DDX19B: variants seen among roughly 807,000 people sequenced by gnomAD.
DDX19B encodes the protein DEAD-box helicase 19B.
In DDX19B, 27 loss-of-function variants were observed where a neutral mutation model predicts 58.1. That is an observed-to-expected ratio of 0.46 (90% CI 0.34 to 0.64). DDX19B has a LOEUF of 0.64. Ranked by LOEUF, DDX19B falls within the 30% of genes least tolerant of loss-of-function variation. The pLI is 0.01. For missense variants in DDX19B, 399 were observed against 596.5 expected (o/e 0.67, Z 3.45); for synonymous variants, 187 against 214.4 (o/e 0.87, Z 1.12).
At chr16:70,327,660 G>T (rs1222937010) in intron 7 of DDX19B, among the ~76,000 whole-genome samples, 2 of 151,592 alleles carry the variant, frequency 1.3e-5, no homozygotes, top group Non-Finnish European at 2.9e-5. Flanking sequence ...TCCCCTCAAA[G>T]TGATGGGATT....
intron 2 of DDX19B, among the ~76,000 whole-genome samples, chr16:70,313,900 G>C (rs748106550): frequency 6.6e-6 from 1 of 151,802 alleles, no homozygotes; most frequent in Non-Finnish European, 1.5e-5. Flanking sequence ...CCTGAGGTCA[G>C]GAGTTTGAAA....
chr16:70,289,777 C>G (rs1161756128), upstream of DDX19B: 7 of 436,668 alleles, frequency 1.6e-5, no homozygotes, highest in Admixed American at 9.8e-5. Flanking sequence ...GCCCCCGGCT[C>G]CCGGAGGTCG....
At chr16:70,305,509 G>A (rs1961703606) in intron 1 of DDX19B, among the ~76,000 whole-genome samples, 1 of 152,120 alleles carries the variant, frequency 6.6e-6, no homozygotes, top group Admixed American at 6.6e-5. Context: ...TTTAGAAATT[G>A]CATACTTTAC....
At position 70,329,364 on chromosome 16, in the gene DDX19B, A is replaced by G. The variant is rs1198686195; in HGVS notation, c.680A>G (p.Lys227Arg). 6.2e-7 allele frequency: 1 copy of G among 1,614,162 alleles called. No homozygotes were observed. The highest frequency in any genetic ancestry group is 1.1e-5 in the South Asian group (1 of 91,080). Reference sequence around the variant, plus strand: ...GGGACTGTGCTGGACTGGTGCTCCAAGCTCAAGTTCATTGATCCCAAGAAA... The same window carrying G: ...GGGACTGTGCTGGACTGGTGCTCCAGGCTCAAGTTCATTGATCCCAAGAAA... ...TPGTVLDWCSKLKFIDPKKIK... is the reference protein window; with the variant it reads ...TPGTVLDWCSRLKFIDPKKIK... Residue 227 changes from lysine (K) to arginine (R), a missense_variant, in exon 8 of 12, where the codon AAG (lysine) becomes AGG (arginine). Around this residue, in one of 4 missense-constraint regions of DDX19B, gnomAD observed 198 missense variants for 345.9 expected, o/e 0.57. Transcript: ENST00000288071.
Position 70,331,870 on chromosome 16 carries a change from A to C in DDX19B, c.1172A>C (p.Asn391Thr), listed in dbSNP as rs556054909. 6.8e-6 allele frequency: 11 copies of C among 1,613,968 alleles called. No individual in the cohort carries two copies. The highest frequency in any genetic ancestry group is 4.5e-5 in the East Asian group (2 of 44,876). The change falls in exon 10 of 12, where the codon AAC becomes ACC. Residue 391 changes from asparagine to threonine, a missense_variant. Around this residue, in one of 4 missense-constraint regions of DDX19B, gnomAD observed 198 missense variants for 345.9 expected, o/e 0.57. Transcript: ENST00000288071. The stretch of plus-strand genomic sequence containing the variant: ...AAAGAGAAGGTTTTGGTGACCACCA[A>C]CGTGTGTGCCCGCGGTGAGCAGAGG... ...EGKEKVLVTT[N>T]VCARGIDVEQ...
At chr16:70,301,024 A>C (rs1961461428) in intron 1 of DDX19B, among the ~76,000 whole-genome samples, 1 of 152,036 alleles carries the variant, frequency 6.6e-6, no homozygotes, top group African/African-American at 2.4e-5. Flanking sequence ...TTCAAATTGG[A>C]CTAGTTACTC....
At chr16:70,313,916 CT>C (rs1346247072) in intron 2 of DDX19B, among the ~76,000 whole-genome samples, 2 of 151,858 alleles carry the variant, frequency 1.3e-5, no homozygotes, top group African/African-American at 4.8e-5. Flanking sequence ...TGAAACCAGC[CT>C]GACTAACATG....
In DDX19B at chr16:70,317,675, A is replaced by G; in HGVS notation, c.389+87A>G. ...TTTTCACAGGCCAGCAAGGTGGCTTATGCCTATAATCCCAGCAACCTGAGA... is the reference window on the plus strand; with the variant it reads ...TTTTCACAGGCCAGCAAGGTGGCTTGTGCCTATAATCCCAGCAACCTGAGA... On this transcript the variant is annotated intron_variant, in intron 5 of 11. Transcript: ENST00000288071. 7 of 1,219,742 alleles carry G rather than the reference A, an allele frequency of 5.7e-6. No homozygotes were observed. The South Asian group carries it at 8.5e-5, about 15-fold the overall frequency. 75.6% of individuals were successfully genotyped at this position (1,219,742 alleles called of 1,614,324 possible).
chr16:70,298,328 C>T (rs957587133), upstream of DDX19B, among the ~76,000 whole-genome samples: 1 of 151,838 alleles, frequency 6.6e-6, no homozygotes, highest in African/African-American at 2.4e-5. Flanking sequence ...ATTTCTTGAA[C>T]CCAGGAGGTG....
chr16:70,331,597 C>T (rs1963479655), intron 9 of DDX19B, 125 bp from the exon 10 acceptor site: 1 of 1,315,630 alleles, frequency 7.6e-7, no homozygotes, highest in Admixed American at 2.8e-5. Flanking sequence ...AATTTTAAGC[C>T]TAACCTCCTA....
chr16:70,322,174 C>T (rs1285775786), intron 5 of DDX19B, among the ~76,000 whole-genome samples: 1 of 152,116 alleles, frequency 6.6e-6, no homozygotes, highest in African/African-American at 2.4e-5. Context: ...AGTAAGACCT[C>T]ATCTGTATTA....
chr16:70,291,822 A>C (rs982539752), upstream of DDX19B, among the ~76,000 whole-genome samples: 1 of 151,302 alleles, frequency 6.6e-6, no homozygotes, highest in Non-Finnish European at 1.5e-5. Context: ...AAATAAATAA[A>C]TAAATAAATA....
At chr16:70,299,145 G>T, upstream of DDX19B, 1 of 1,371,432 alleles carries the variant, frequency 7.3e-7, no homozygotes, top group South Asian at 1.7e-5. Flanking sequence ...GGCCAAACAG[G>T]AGTGGCCTCC....
upstream of DDX19B, chr16:70,294,876 C>A (rs7189290): frequency 2.0e-6 from 3 of 1,526,004 alleles, no homozygotes; most frequent in African/African-American, 4.1e-5. Context: ...CGTCCAAGAT[C>A]GCGCCCTGCG....
intron 11 of DDX19B, among the ~76,000 whole-genome samples, 160 bp from the exon 12 acceptor site, chr16:70,333,361 G>A (rs1963580716): frequency 1.3e-5 from 2 of 152,216 alleles, no homozygotes; most frequent in Non-Finnish European, 2.9e-5. Flanking sequence ...CTGTGACTGG[G>A]CTTCGGGGCG....
Position 70,299,196 on chromosome 16 carries a change from A to G in DDX19B, c.-102A>G, listed in dbSNP as rs2152181675. 1.4e-6 allele frequency: 2 copies of G among 1,405,400 alleles called. No homozygotes were observed. The highest frequency in any genetic ancestry group is 1.5e-5 in the African/African-American group (1 of 67,794). The allele number at this position is 1,405,400 out of a possible 1,614,324, so 87.1% of individuals were successfully genotyped here. ...CGCCGCTTCCGGTCTGCAGCCTTGT[A>G]GTGGGGCTGGAGCAGAGCCTGCCGC... On this transcript the variant is annotated 5_prime_UTR_variant, in exon 1 of 12. Coordinates refer to ENST00000288071, the MANE Select transcript of DDX19B (RefSeq NM_007242.7).
intron 10 of DDX19B, 112 bp from the exon 11 acceptor site, chr16:70,332,856 C>T (rs1195797651): frequency 1.9e-6 from 3 of 1,592,710 alleles, no homozygotes; most frequent in Non-Finnish European, 2.6e-6. Context: ...ATGCACGTCT[C>T]TTAGTGCCGT....
chr16:70,293,032 A>G (rs1417337326), upstream of DDX19B, among the ~76,000 whole-genome samples: 2 of 152,058 alleles, frequency 1.3e-5, no homozygotes, highest in African/African-American at 4.8e-5. Context: ...GTGACTCAAG[A>G]TTGTGCCACT....
At chr16:70,301,410 T>G (rs1961476928) in intron 1 of DDX19B, among the ~76,000 whole-genome samples, 1 of 152,196 alleles carries the variant, frequency 6.6e-6, no homozygotes, top group Non-Finnish European at 1.5e-5. Flanking sequence ...TTGAAATGTT[T>G]GAGACCATCC....
Sources: gnomAD v4.1 joint callset for allele counts (sites outside exome capture counted in the v4.1 genomes callset) on GRCh38, gnomAD v4.1.1 for gene constraint, gnomAD v4.1.1 regional missense constraint, MANE v1.5 for transcripts, NCBI Gene and HGNC (gene_info 2026-07-23, HGNC 2026-07-21) for gene names.